Variants in DYNC1I1 observed in about 807,000 individuals in gnomAD.
DYNC1I1 encodes cytoplasmic dynein 1 intermediate chain 1.
In DYNC1I1, 43 loss-of-function variants were observed where a neutral mutation model predicts 86.6. The observed-to-expected ratio is 0.50, with a 90% confidence interval of 0.39 to 0.64. The LOEUF is 0.64. DYNC1I1 is among the 30% of genes least tolerant of loss of function. The pLI is 0.00. For synonymous variants in DYNC1I1, 262 were observed against 283.7 expected (o/e 0.92, Z 0.77); for missense variants, 604 against 788.8 (o/e 0.77, Z 2.81).
At chr7:95,837,081 T>G (rs1562915053) in intron 5 of DYNC1I1, among the ~76,000 whole-genome samples, 1 of 151,078 alleles carries the variant, frequency 6.6e-6, no homozygotes, top group African/African-American at 2.4e-5. Flanking sequence ...GTTCTGTTTT[T>G]TCCCCATCTT....
At chr7:95,802,379 A>AT (rs1794600190) in intron 1 of DYNC1I1, among the ~76,000 whole-genome samples, 2 of 152,154 alleles carry the variant, frequency 1.3e-5, no homozygotes, top group African/African-American at 4.8e-5. Flanking sequence ...CTGTCTCCAC[A>AT]TTCGCCTACC....
At chr7:95,813,415 A>C (rs1794877704) in intron 4 of DYNC1I1, 78 bp downstream of exon 4, 1 of 1,493,844 alleles carries the variant, frequency 6.7e-7, no homozygotes. Flanking sequence ...CCACTGTTAG[A>C]ATACTGTGAA....
intron 6 of DYNC1I1, among the ~76,000 whole-genome samples, chr7:95,901,601 CT>C (rs1457334608): frequency 2.0e-5 from 3 of 152,130 alleles, no homozygotes; most frequent in African/African-American, 4.8e-5. Context: ...AATATATTGC[CT>C]TTTTAGGATC....
chr7:96,036,005 C>T (rs1794919345), intron 13 of DYNC1I1, among the ~76,000 whole-genome samples: 1 of 152,204 alleles, frequency 6.6e-6, no homozygotes, highest in Non-Finnish European at 1.5e-5. Flanking sequence ...CCACTTGCAC[C>T]TTCCCAGCAT....
chr7:96,098,738 A>G (rs149439119), downstream of DYNC1I1, among the ~76,000 whole-genome samples: 1 of 152,362 alleles, frequency 6.6e-6, no homozygotes, highest in East Asian at 1.9e-4. Context: ...CTTAAAAACA[A>G]TTTACACCAG....
intron 5 of DYNC1I1, among the ~76,000 whole-genome samples, chr7:95,842,411 G>A (rs767814677): frequency 1.3e-5 from 2 of 152,246 alleles, no homozygotes; most frequent in East Asian, 1.9e-4. Flanking sequence ...TTCCAGGTGC[G>A]GGGGCTTTAA....
intron 14 of DYNC1I1, among the ~76,000 whole-genome samples, chr7:96,071,548 A>T (rs1790160107): frequency 6.6e-6 from 1 of 152,088 alleles, no homozygotes; most frequent in African/African-American, 2.4e-5. Flanking sequence ...AGTCATACAA[A>T]CCTTCAGTGA....
At chr7:96,039,538 A>G (rs1330372890) in intron 14 of DYNC1I1, 117 bp downstream of exon 14, 2 of 1,298,140 alleles carry the variant, frequency 1.5e-6, no homozygotes, top group East Asian at 2.4e-5. Context: ...TTGGGAATTC[A>G]TATACCTTCT....
At chr7:95,871,456 A>G (rs748066162) in intron 6 of DYNC1I1, among the ~76,000 whole-genome samples, 2 of 152,222 alleles carry the variant, frequency 1.3e-5, no homozygotes, top group African/African-American at 2.4e-5. Context: ...GAAGATCGTT[A>G]AAAAACATCC....
At chr7:95,990,239 A>G (rs1375525393) in intron 9 of DYNC1I1, among the ~76,000 whole-genome samples, 1 of 152,190 alleles carries the variant, frequency 6.6e-6, no homozygotes. Context: ...CAATAATACT[A>G]TCACATACCA....
intron 5 of DYNC1I1, among the ~76,000 whole-genome samples, chr7:95,846,453 A>G (rs1789428357): frequency 6.6e-6 from 1 of 152,204 alleles, no homozygotes; most frequent in Admixed American, 6.5e-5. Flanking sequence ...GCACAGTAAG[A>G]AGCAAATACC....
At chr7:96,089,567 T>A (rs1242813400) in intron 16 of DYNC1I1, among the ~76,000 whole-genome samples, 1 of 152,110 alleles carries the variant, frequency 6.6e-6, no homozygotes, top group Non-Finnish European at 1.5e-5. Context: ...CCCCCCAATC[T>A]CTTTCCCAGT....
In DYNC1I1 at chr7:96,009,198, A is replaced by G. The variant is rs148897923; in HGVS notation, c.969+13125A>G. On this transcript the variant is annotated intron_variant, in intron 10 of 16. Transcript: ENST00000447467. The stretch of plus-strand genomic sequence containing the variant: ...CCCTCTGGGGTCTTCACATTCTCCC[A>G]CTTTTTTCCCGGGAGTTCTCAGAGG... 1.4e-3 allele frequency among the ~76,000 whole-genome samples: 220 copies of G among 152,184 alleles called. 7 individuals are homozygous for G. The East Asian group carries it at 0.036, about 25-fold the overall frequency.
At chr7:96,047,730 T>C (rs576400640) in intron 14 of DYNC1I1, among the ~76,000 whole-genome samples, 65 of 152,268 alleles carry the variant, frequency 4.3e-4, no homozygotes, top group African/African-American at 1.5e-3. Context: ...ATTTTATTAT[T>C]ATACTCTCTG....
At chr7:95,868,167 GT>G (rs1278102170) in intron 5 of DYNC1I1, among the ~76,000 whole-genome samples, 1 of 152,200 alleles carries the variant, frequency 6.6e-6, no homozygotes, top group Non-Finnish European at 1.5e-5. Flanking sequence ...ACAGGCCCAT[GT>G]GGTTCAGGCC....
chr7:96,084,913 C>G (rs766520393), intron 16 of DYNC1I1, among the ~76,000 whole-genome samples: 26 of 152,188 alleles, frequency 1.7e-4, no homozygotes, highest in Admixed American at 3.9e-4. Context: ...GGAAAGATCT[C>G]TGAGATGCCT....
intron 6 of DYNC1I1, among the ~76,000 whole-genome samples, chr7:95,976,309 A>G (rs1275965410): frequency 6.6e-6 from 1 of 152,338 alleles, no homozygotes; most frequent in Middle Eastern, 3.4e-3. Flanking sequence ...TTGCAATGCT[A>G]TATTTTACAT....
chr7:96,016,731 C>G (rs1381702041), intron 10 of DYNC1I1, among the ~76,000 whole-genome samples: 1 of 152,072 alleles, frequency 6.6e-6, no homozygotes, highest in Non-Finnish European at 1.5e-5. Flanking sequence ...GAAGCTGGCT[C>G]TTTTTTTACA....
At chr7:96,096,324 TA>T (rs1219197289) in intron 16 of DYNC1I1, among the ~76,000 whole-genome samples, 1 of 152,128 alleles carries the variant, frequency 6.6e-6, no homozygotes, top group South Asian at 2.1e-4. Context: ...CTTTTTTCAT[TA>T]AAAAATATAT....
Sources: gnomAD v4.1 joint callset for allele counts (sites outside exome capture counted in the v4.1 genomes callset) on GRCh38, gnomAD v4.1.1 for gene constraint, MANE v1.5 for transcripts, NCBI Gene and HGNC (gene_info 2026-07-23, HGNC 2026-07-21) for gene names.